SLC7A11: variants seen among roughly 807,000 people sequenced by gnomAD.
The protein encoded by SLC7A11 is solute carrier family 7 member 11, also known as cystine/glutamate transporter.
Under a neutral mutation model 54.5 loss-of-function variants are expected in SLC7A11, and 35 were observed. The observed-to-expected ratio is 0.64, with a 90% CI of 0.49 to 0.85. The LOEUF is 0.85. Among genes scored for constraint, SLC7A11 ranks in the 40% least tolerant of loss-of-function variants. The probability of loss-of-function intolerance (pLI) is 0.00; values close to 1 mark genes in which losing one functional copy is unlikely to be tolerated. For missense variants in SLC7A11, 583 were observed against 618.1 expected (o/e 0.94, Z 0.60); for synonymous variants, 230 against 225.2 (o/e 1.02, Z -0.19).
At chr4:138,196,411 A>T (rs964164809) in intron 6 of SLC7A11, among the ~76,000 whole-genome samples, 1 of 152,120 alleles carries the variant, frequency 6.6e-6, no homozygotes, top group Non-Finnish European at 1.5e-5. Context: ...CAACACTTGG[A>T]AGGGAAAGGA....
At chr4:138,229,966 T>G (rs2148451383) in intron 3 of SLC7A11, among the ~76,000 whole-genome samples, 1 of 152,308 alleles carries the variant, frequency 6.6e-6, no homozygotes, top group Non-Finnish European at 1.5e-5. Flanking sequence ...TCTGCCTCAG[T>G]CATTCAAGGG....
rs1736411981 is a variant in SLC7A11, at chr4:138,170,996, A to C, written c.*960T>G. 1.3e-5 allele frequency: 2 copies of C among 152,196 alleles called. No homozygotes were observed. Among genetic ancestry groups the C allele is most frequent in the African/African-American group, 4.8e-5 (2 of 41,452 alleles). The allele number at this position is 152,196 out of a possible 1,614,324, so 9.4% of individuals were successfully genotyped here. On this transcript the variant is annotated 3_prime_UTR_variant, in exon 12 of 12. Coordinates refer to ENST00000280612, the MANE Select transcript of SLC7A11 (RefSeq NM_014331.4). Reference sequence around the variant, plus strand: ...AAAACTTCAGAATTACTAACATTGCATGTAGATATGATTACAGATATGGGA... The same window carrying C: ...AAAACTTCAGAATTACTAACATTGCCTGTAGATATGATTACAGATATGGGA...
In SLC7A11 at chr4:138,170,232, AAGTGTGT is replaced by A. The variant is rs1560713274; in HGVS notation, c.*1717_*1723del. ...ATATATATATATATATATATATAAAAAGTGTGTGTGTGTGTGTGTATATATATATATA... is the reference window on the plus strand; with the variant it reads ...ATATATATATATATATATATATAAAAGTGTGTGTGTGTATATATATATATA... On this transcript the variant is annotated 3_prime_UTR_variant, in exon 12 of 12. Transcript: ENST00000280612. The A allele has an allele frequency of 2.8e-5, 3 of 105,964 alleles. No individual in the cohort carries two copies. Among genetic ancestry groups the A allele is most frequent in the African/African-American group, 1.0e-4 (3 of 29,008 alleles). The allele number at this position is 105,964 out of a possible 1,614,324, so 6.6% of individuals were successfully genotyped here. A position where few individuals can be genotyped will look rare whatever the true frequency, so the allele number is the denominator to read the frequency against.
At chr4:138,185,931 T>C (rs1425656563) in intron 6 of SLC7A11, among the ~76,000 whole-genome samples, 1 of 151,922 alleles carries the variant, frequency 6.6e-6, no homozygotes, top group African/African-American at 2.4e-5. Flanking sequence ...CTGCTGTGAG[T>C]TCAAAGGAAG....
chr4:138,180,916 G>C (rs1736726037), intron 9 of SLC7A11, 126 bp from the exon 10 acceptor site: 3 of 872,512 alleles, frequency 3.4e-6, no homozygotes, highest in African/African-American at 1.7e-5. Flanking sequence ...TATCATCATA[G>C]TTAAAACTTG....
chr4:138,228,503 A>G (rs971019323), intron 3 of SLC7A11, among the ~76,000 whole-genome samples: 3 of 152,284 alleles, frequency 2.0e-5, no homozygotes, highest in Admixed American at 6.5e-5. Flanking sequence ...TCATGCCTGT[A>G]ATCCCAGCAC....
intron 7 of SLC7A11, among the ~76,000 whole-genome samples, chr4:138,183,868 T>G (rs1162821162): frequency 6.6e-6 from 1 of 150,904 alleles, no homozygotes; most frequent in African/African-American, 2.4e-5. Flanking sequence ...GTTTATAAAG[T>G]CCCTCCCTCC....
chr4:138,194,247 C>A (rs1252937377), intron 6 of SLC7A11, among the ~76,000 whole-genome samples: 1 of 152,152 alleles, frequency 6.6e-6, no homozygotes, highest in Non-Finnish European at 1.5e-5. Context: ...CAAAGGCTCT[C>A]AGAATGGCAG....
At chr4:138,213,001 T>C (rs1737588822) in intron 6 of SLC7A11, among the ~76,000 whole-genome samples, 1 of 152,004 alleles carries the variant, frequency 6.6e-6, no homozygotes, top group African/African-American at 2.4e-5. Context: ...ACATATTTTA[T>C]ATTATATCCA....
intron 6 of SLC7A11, among the ~76,000 whole-genome samples, chr4:138,204,216 G>A (rs1737354358): frequency 6.6e-6 from 1 of 152,000 alleles, no homozygotes; most frequent in South Asian, 2.1e-4. Flanking sequence ...AGGCAAACAT[G>A]GATTGCAATT....
chr4:138,222,335 A>G (rs1458364520), intron 4 of SLC7A11, among the ~76,000 whole-genome samples: 1 of 152,240 alleles, frequency 6.6e-6, no homozygotes, highest in Non-Finnish European at 1.5e-5. Flanking sequence ...CTGCAACGTC[A>G]TTAAATTTCT....
intron 6 of SLC7A11, among the ~76,000 whole-genome samples, chr4:138,191,660 T>C (rs1737015789): frequency 6.6e-6 from 1 of 152,182 alleles, no homozygotes; most frequent in South Asian, 2.1e-4. Flanking sequence ...CAGTTTTATC[T>C]ATTCATTATT....
intron 2 of SLC7A11, among the ~76,000 whole-genome samples, chr4:138,233,406 G>A (rs549348802): frequency 3.7e-4 from 56 of 152,084 alleles, no homozygotes; most frequent in African/African-American, 1.2e-3. Context: ...GGCTGGTCTC[G>A]AACTTCTGAC....
intron 3 of SLC7A11, among the ~76,000 whole-genome samples, chr4:138,227,851 T>C (rs1233714949): frequency 6.6e-6 from 1 of 152,184 alleles, no homozygotes; most frequent in African/African-American, 2.4e-5. Context: ...TCCTAAAGTA[T>C]GTGATAGTTG....
intron 3 of SLC7A11, among the ~76,000 whole-genome samples, chr4:138,225,138 C>CTATATATA (rs36216785): frequency 0.034 from 3,991 of 117,902 alleles, 52 homozygotes; most frequent in Non-Finnish European, 0.042. Context: ...AATAATTTCA[C>CTATATATA]TATATATATA....
rs146398947 is a variant in SLC7A11 at position 138,179,464 on chromosome 4, G to GT, written c.1267-71dup. 1.7e-3 allele frequency: 2,250 copies of GT among 1,349,720 alleles called. 30 individuals are homozygous for GT. The African/African-American group carries it at 0.029, about 18-fold the overall frequency. The allele number at this position is 1,349,720 out of a possible 1,614,324, so 83.6% of individuals were successfully genotyped here. On this transcript the variant is annotated intron_variant, in intron 10 of 11. Coordinates refer to ENST00000280612, the MANE Select transcript of SLC7A11 (RefSeq NM_014331.4). The stretch of plus-strand genomic sequence containing the variant: ...AACAGAAGCTGGGTTTGAGATGAGC[G>GT]TGTCAGTCATGACATATACTTTAGT...
At chr4:138,172,050 T>G in intron 11 of SLC7A11, 33 bp from the exon 12 acceptor site, 1 of 1,567,594 alleles carries the variant, frequency 6.4e-7, no homozygotes. Context: ...TAAAAATGCA[T>G]GGAAATCAGA....
intron 6 of SLC7A11, among the ~76,000 whole-genome samples, chr4:138,202,608 C>T (rs757832850): frequency 6.6e-6 from 1 of 152,000 alleles, no homozygotes; most frequent in Non-Finnish European, 1.5e-5. Flanking sequence ...CAGCCATGCT[C>T]CCATAGTCAT....
rs555827476 is a variant in SLC7A11, at chr4:138,178,956, C to T, written c.1444+261G>A. On this transcript the variant is annotated intron_variant, in intron 11 of 11. Coordinates refer to ENST00000280612, the MANE Select transcript of SLC7A11 (RefSeq NM_014331.4). ...AAGAGAGATTAGGTCGATTAGAGAA[C>T]TACTGATAAAATTTCATCTAAAACA... is the stretch of plus-strand genomic sequence containing the variant. Among the ~76,000 whole-genome samples the T allele has an allele frequency of 2.0e-5, 3 of 152,198 alleles. No individual in the cohort carries two copies. In the East Asian group the frequency reaches 5.8e-4, roughly 29 times the overall value.
Sources: allele counts gnomAD v4.1 joint callset (sites outside exome capture counted in the v4.1 genomes callset), GRCh38; gene constraint gnomAD v4.1.1; transcripts MANE v1.5; gene names NCBI Gene and HGNC (gene_info 2026-07-23, HGNC 2026-07-21).